Variants in CPPED1 observed in about 807,000 individuals in gnomAD.
CPPED1 encodes the protein calcineurin like phosphoesterase domain containing 1, also known as serine/threonine-protein phosphatase CPPED1.
Under a neutral mutation model 28.0 loss-of-function variants are expected in CPPED1, and 28 were observed. The ratio of observed to expected loss-of-function variants is 1.00; its 90% confidence interval spans 0.74 to 1.37. The LOEUF is 1.37. Ranked by LOEUF, CPPED1 falls within the 40% of genes most tolerant of loss-of-function variation. The pLI, the probability that CPPED1 is intolerant of heterozygous loss-of-function variation, is 0.00. For synonymous variants in CPPED1, 198 were observed against 180.2 expected (o/e 1.10, Z -0.79); for missense variants, 504 against 416.5 (o/e 1.21, Z -1.83).
At position 12,670,564 on chromosome 16, in the gene CPPED1, A is replaced by T. The variant is rs933755541; in HGVS notation, c.716-5449T>A. On this transcript the variant is annotated intron_variant, in intron 3 of 3. Transcript: ENST00000381774. The surrounding 1 kb of genome is among the most constrained non-coding windows in gnomAD (Gnocchi z 4.2). ...AGAAACTGGACAAACACCAAAAGCG[A>T]TAAGTCACATGATTAGTATGTGCTC... is the stretch of plus-strand genomic sequence containing the variant. 6.6e-6 allele frequency among the ~76,000 whole-genome samples: 1 copy of T among 152,050 alleles called. No homozygotes were observed. Among genetic ancestry groups the T allele is most frequent in the Non-Finnish European group, 1.5e-5 (1 of 68,012 alleles).
intron 1 of CPPED1, among the ~76,000 whole-genome samples, chr16:12,789,087 T>G (rs1283374612): frequency 6.6e-6 from 1 of 152,212 alleles, no homozygotes; most frequent in Non-Finnish European, 1.5e-5. Context: ...ATGAGTTTCA[T>G]AAATATACCT....
intron 2 of CPPED1, among the ~76,000 whole-genome samples, chr16:12,756,424 G>T (rs541480066): frequency 6.6e-6 from 1 of 152,256 alleles, no homozygotes; most frequent in East Asian, 1.9e-4. Flanking sequence ...GCCAGGTGCG[G>T]TGGCTCATGT....
intron 2 of CPPED1, among the ~76,000 whole-genome samples, chr16:12,721,748 C>T (rs1172019300): frequency 8.1e-5 from 12 of 148,494 alleles, no homozygotes; most frequent in South Asian, 6.4e-4. Context: ...AGCAAGATTC[C>T]GTCTTAAAAA....
intron 2 of CPPED1, among the ~76,000 whole-genome samples, chr16:12,766,280 GAGAGAGAGAGAGAA>G (rs2080438770): frequency 1.4e-5 from 2 of 140,978 alleles, no homozygotes; most frequent in South Asian, 2.1e-4. Flanking sequence ...GAGAGAGGGA[GAGAGAGAGAGAGAA>G]AGAGAGAGAG....
At chr16:12,762,737 T>G (rs951282732) in intron 2 of CPPED1, among the ~76,000 whole-genome samples, 6 of 152,190 alleles carry the variant, frequency 3.9e-5, no homozygotes, top group East Asian at 1.9e-4. Flanking sequence ...CTTTCTGGGT[T>G]GATAAAAATG....
chr16:12,665,047 C>T lies in CPPED1; in HGVS notation c.784G>A (p.Val262Met). The change falls in exon 4 of 4, where the codon GTG (valine) becomes ATG (methionine). Residue 262 changes from valine (V) to methionine (M), a missense_variant. By Grantham distance (21) the Val-to-Met change is conservative. Transcript: ENST00000381774. ...TGGCATCCAATGGCAGATGACACCA[C>T]CATGTCGAGGTTCTGGTAGGTACCC... ...AGGTYQNLDM[V>M]VSSAIGCQLG... is the part of the protein sequence containing the mutation. 2 of 1,609,976 alleles carry T rather than the reference C, an allele frequency of 1.2e-6. No individual in the cohort carries two copies. Among genetic ancestry groups the T allele is most frequent in the South Asian group, 2.2e-5 (2 of 90,692 alleles).
At chr16:12,780,809 G>A (rs185198743) in intron 2 of CPPED1, among the ~76,000 whole-genome samples, 170 of 152,058 alleles carry the variant, frequency 1.1e-3, no homozygotes, top group African/African-American at 3.8e-3. Context: ...AACAAATAAG[G>A]GAGAAATAAA....
intron 1 of CPPED1, among the ~76,000 whole-genome samples, chr16:12,803,465 C>A (rs1282136390): frequency 1.3e-5 from 2 of 152,220 alleles, no homozygotes; most frequent in Admixed American, 1.3e-4. Flanking sequence ...CTTCCCTTCT[C>A]TGGGGGAAGT....
chr16:12,780,575 A>T (rs771323891), intron 2 of CPPED1, among the ~76,000 whole-genome samples: 3 of 152,120 alleles, frequency 2.0e-5, no homozygotes, highest in Non-Finnish European at 4.4e-5. Flanking sequence ...CACTATCTAG[A>T]GAGAGCCTGA....
At chr16:12,713,214 G>T (rs1202869683) in intron 2 of CPPED1, among the ~76,000 whole-genome samples, 1 of 152,122 alleles carries the variant, frequency 6.6e-6, no homozygotes, top group Non-Finnish European at 1.5e-5. Context: ...TTCAAAAAGA[G>T]AGTTTTCTTC....
At position 12,767,815 on chromosome 16, in the gene CPPED1, G is replaced by A. The variant is rs2080447873; in HGVS notation, c.289+13370C>T. 1.3e-5 allele frequency among the ~76,000 whole-genome samples: 2 copies of A among 152,084 alleles called. 1 individual carries two copies. The highest frequency in any genetic ancestry group is 4.1e-4 in the South Asian group (2 of 4,830). On this transcript the variant is annotated intron_variant, in intron 2 of 3. Transcript: ENST00000381774. ...TCTACTAAAATATAAAAATTAGCTG[G>A]GTGTGGGGGTGGGCACCTGTAGTCC...
intron 2 of CPPED1, among the ~76,000 whole-genome samples, chr16:12,728,388 A>G (rs1280517358): frequency 6.6e-6 from 1 of 152,218 alleles, no homozygotes; most frequent in Non-Finnish European, 1.5e-5. Flanking sequence ...TAGATTTAGG[A>G]TAACATATCC....
chr16:12,721,989 T>C (rs80249258), intron 2 of CPPED1, among the ~76,000 whole-genome samples: 1 of 152,220 alleles, frequency 6.6e-6, no homozygotes, highest in South Asian at 2.1e-4. Context: ...TGTTTTTTTT[T>C]CCCAGCAAGA....
chr16:12,679,128 T>C (rs781118737), intron 3 of CPPED1, among the ~76,000 whole-genome samples: 14 of 152,206 alleles, frequency 9.2e-5, no homozygotes, highest in Non-Finnish European at 1.3e-4. Flanking sequence ...GGGAAACTCC[T>C]CAGGAGGACC....
intron 2 of CPPED1, among the ~76,000 whole-genome samples, chr16:12,776,632 G>A (rs1222182363): frequency 6.6e-6 from 1 of 152,096 alleles, no homozygotes; most frequent in Non-Finnish European, 1.5e-5. Context: ...TATAAGATGT[G>A]CCTTTCAGCT....
intron 2 of CPPED1, among the ~76,000 whole-genome samples, chr16:12,726,446 G>A (rs964693270): frequency 4.0e-5 from 6 of 149,268 alleles, no homozygotes; most frequent in South Asian, 2.1e-4. Flanking sequence ...GGGTTCAAGC[G>A]ATTCTCCTAC....
At chr16:12,683,426 T>G (rs916213020) in intron 3 of CPPED1, among the ~76,000 whole-genome samples, 1 of 152,098 alleles carries the variant, frequency 6.6e-6, no homozygotes, top group Admixed American at 6.5e-5. Context: ...TGACCACCGG[T>G]TCTGTTATAA....
chr16:12,757,146 T>C (rs909326335), intron 2 of CPPED1, among the ~76,000 whole-genome samples: 2 of 151,540 alleles, frequency 1.3e-5, no homozygotes, highest in Non-Finnish European at 2.9e-5. Flanking sequence ...AATTAAGTTA[T>C]AGCACCTCGA....
At chr16:12,760,264 G>A (rs868022751) in intron 2 of CPPED1, 3 of 152,196 alleles carry the variant, frequency 2.0e-5, no homozygotes, top group African/African-American at 7.2e-5. Context: ...TTATATCAGG[G>A]ACCTGAGGAC....
Sources: allele counts gnomAD v4.1 joint callset (sites outside exome capture counted in the v4.1 genomes callset), GRCh38; gene constraint gnomAD v4.1.1; non-coding constraint Gnocchi (gnomAD v3.1); transcripts MANE v1.5; gene names NCBI Gene and HGNC (gene_info 2026-07-23, HGNC 2026-07-21).